Variants in RORA observed in about 807,000 individuals in gnomAD.
RORA encodes the protein nuclear receptor ROR-alpha.
In RORA, 7 loss-of-function variants were observed where a neutral mutation model predicts 69.5. The observed-to-expected ratio is 0.10, with a 90% CI of 0.06 to 0.19. The LOEUF is 0.19. Among genes scored for constraint, RORA ranks in the 10% least tolerant of loss-of-function variants. The pLI is 1.00. For missense variants in RORA, 457 were observed against 663.0 expected (o/e 0.69, Z 3.41); for synonymous variants, 261 against 240.8 (o/e 1.08, Z -0.78).
At chr15:61,144,884 T>C (rs1251043318) in intron 1 of RORA, among the ~76,000 whole-genome samples, 2 of 152,210 alleles carry the variant, frequency 1.3e-5, no homozygotes, top group African/African-American at 2.4e-5. Context: ...GAAAGAAGGA[T>C]AGGAAACTAT....
chr15:60,502,385 A>T (rs1336768759), intron 8 of RORA, among the ~76,000 whole-genome samples: 1 of 152,070 alleles, frequency 6.6e-6, no homozygotes, highest in Non-Finnish European at 1.5e-5. Flanking sequence ...TTTGAGGGGG[A>T]TGGAAGGGCA....
intron 1 of RORA, among the ~76,000 whole-genome samples, chr15:60,984,926 CA>C (rs1441096370): frequency 6.6e-6 from 1 of 150,650 alleles, no homozygotes; most frequent in Admixed American, 6.6e-5. Context: ...TCACTATAGA[CA>C]AATGTCAGTT....
chr15:61,149,730 T>G (rs2079381779), intron 1 of RORA, among the ~76,000 whole-genome samples: 2 of 152,314 alleles, frequency 1.3e-5, no homozygotes, highest in East Asian at 1.9e-4. Context: ...CATATTGTCA[T>G]AATGATAAAA....
chr15:60,917,667 C>T (rs1891919217), intron 1 of RORA, among the ~76,000 whole-genome samples: 1 of 152,174 alleles, frequency 6.6e-6, no homozygotes, highest in Admixed American at 6.5e-5. Flanking sequence ...GGTGTTTTTC[C>T]TGGTCAGTGT....
chr15:60,695,535 T>C (rs955672165), intron 1 of RORA, among the ~76,000 whole-genome samples: 1 of 151,996 alleles, frequency 6.6e-6, no homozygotes, highest in African/African-American at 2.4e-5. Context: ...AATTGCTATA[T>C]GATGAAGAGA....
chr15:61,167,962 G>C (rs994060390), intron 1 of RORA, among the ~76,000 whole-genome samples: 5 of 152,124 alleles, frequency 3.3e-5, no homozygotes, highest in Admixed American at 3.3e-4. Context: ...GATATCCCCT[G>C]ATGTTCACCT....
At chr15:60,957,465 C>G (rs762877073) in intron 1 of RORA, among the ~76,000 whole-genome samples, 1 of 152,224 alleles carries the variant, frequency 6.6e-6, no homozygotes, top group Non-Finnish European at 1.5e-5. Context: ...CGTACCTCCT[C>G]AAACACAATG....
intron 1 of RORA, among the ~76,000 whole-genome samples, chr15:60,870,584 T>C (rs2073544843): frequency 6.6e-6 from 1 of 152,186 alleles, no homozygotes; most frequent in African/African-American, 2.4e-5. Flanking sequence ...AGAAGGCACT[T>C]GGCCATTAGA....
chr15:60,696,557 G>A (rs1287166869), intron 1 of RORA, among the ~76,000 whole-genome samples: 2 of 151,762 alleles, frequency 1.3e-5, no homozygotes, highest in Admixed American at 6.6e-5. Flanking sequence ...CCAGCCCACC[G>A]CACCACCACA....
intron 1 of RORA, among the ~76,000 whole-genome samples, chr15:60,704,418 C>T (rs183604070): frequency 6.6e-6 from 1 of 152,292 alleles, no homozygotes; most frequent in East Asian, 1.9e-4. Flanking sequence ...GTGCTGGAGG[C>T]ACACTCCTAG....
chr15:60,691,220 C>T (rs561019207), intron 1 of RORA, among the ~76,000 whole-genome samples: 100 of 152,292 alleles, frequency 6.6e-4, no homozygotes, highest in African/African-American at 2.3e-3. Flanking sequence ...TGCTAGAATG[C>T]TTCCCAGCCG....
chr15:60,981,096 A>G (rs557434004), intron 1 of RORA, among the ~76,000 whole-genome samples: 58 of 72,476 alleles, frequency 8.0e-4, no homozygotes, highest in African/African-American at 2.9e-3. Flanking sequence ...CTTGGTTTAC[A>G]GTATTTTTTT....
rs779860712 is a variant in RORA, at chr15:60,497,635, A to G, written c.1408-16T>C. On this transcript the variant is annotated splice_polypyrimidine_tract_variant and intron_variant, in intron 10 of 10. Coordinates refer to ENST00000335670, the MANE Select transcript of RORA (RefSeq NM_134261.3). ...TGCATATTAACTGTAAGTGAAAGAA[A>G]GGACACACCGTCAGGCAAGAACAGG... The G allele has an allele frequency of 3.9e-5, 62 of 1,603,264 alleles. No individual in the cohort carries two copies. The highest frequency in any genetic ancestry group is 5.1e-5 in the Non-Finnish European group (60 of 1,170,326).
intron 1 of RORA, among the ~76,000 whole-genome samples, chr15:61,024,239 T>C (rs1328782516): frequency 5.4e-5 from 8 of 147,428 alleles, no homozygotes; most frequent in Non-Finnish European, 1.1e-4. Context: ...GTAGCATTCA[T>C]CCTAGGAAAA....
intron 1 of RORA, among the ~76,000 whole-genome samples, chr15:60,891,183 T>C (rs1567227487): frequency 6.6e-6 from 1 of 152,246 alleles, no homozygotes; most frequent in African/African-American, 2.4e-5. Flanking sequence ...AGCCCATTTT[T>C]CTTTTTGTAA....
At chr15:60,753,438 T>C (rs1417886760) in intron 1 of RORA, among the ~76,000 whole-genome samples, 2 of 152,202 alleles carry the variant, frequency 1.3e-5, no homozygotes, top group Non-Finnish European at 2.9e-5. Flanking sequence ...CCTAGGAGCT[T>C]ATGTCCTAGC....
intron 3 of RORA, among the ~76,000 whole-genome samples, chr15:60,517,450 T>C (rs1192059898): frequency 6.6e-6 from 1 of 152,252 alleles, no homozygotes. Flanking sequence ...CTGAAAAATA[T>C]CTAAAGCTAT....
chr15:60,818,723 A>AGT (rs2072849756), intron 1 of RORA, among the ~76,000 whole-genome samples: 1 of 152,248 alleles, frequency 6.6e-6, no homozygotes, highest in African/African-American at 2.4e-5. Context: ...ATTAAAAAAC[A>AGT]AGGATTTCTA....
chr15:60,820,516 G>A (rs1342986450), intron 1 of RORA, among the ~76,000 whole-genome samples: 1 of 152,000 alleles, frequency 6.6e-6, no homozygotes, highest in East Asian at 1.9e-4. Context: ...TGCATTGCGT[G>A]AAGAAGGTTT....
Sources: gnomAD v4.1 joint callset for allele counts (sites outside exome capture counted in the v4.1 genomes callset) on GRCh38, gnomAD v4.1.1 for gene constraint, MANE v1.5 for transcripts, NCBI Gene and HGNC (gene_info 2026-07-23, HGNC 2026-07-21) for gene names.